Variants in RUNX3 observed in about 807,000 individuals in gnomAD.
RUNX3 encodes runt-related transcription factor 3.
In RUNX3, 10 loss-of-function variants were observed where a neutral mutation model predicts 27.7. The ratio of observed to expected loss-of-function variants is 0.36; its 90% confidence interval spans 0.22 to 0.61. RUNX3 has a LOEUF of 0.61. Among genes scored for constraint, RUNX3 ranks in the 20% least tolerant of loss-of-function variants. RUNX3 has a pLI of 0.72. For synonymous variants in RUNX3, 270 were observed against 269.2 expected, an observed-to-expected ratio of 1.00 and a Z score of -0.03; for missense variants, 469 against 629.5, an observed-to-expected ratio of 0.75 and a Z score of 2.73.
At position 24,902,296 on chromosome 1, in the gene RUNX3, G is replaced by C; in HGVS notation, c.1074C>G (p.Thr358=). The part of the protein sequence containing the change: ...GSSSGGDRSP[T]RMLASCTSSA... ...TGCTGGTGCAAGAGGCCAGCATGCG[G>C]GTAGGTGAGCGGTCGCCCCCACTGC... Residue 358 remains threonine, a synonymous_variant, in exon 5 of 5, where the codon ACC becomes ACG. Coordinates refer to ENST00000308873, the MANE Select transcript of RUNX3 (RefSeq NM_004350.3). This position sits in a 1 kb window ranked among gnomAD's most constrained non-coding sequence, Gnocchi z 9.2. The C allele has an allele frequency of 5.6e-6, 9 of 1,603,522 alleles. No individual in the cohort carries two copies. The highest frequency in any genetic ancestry group is 7.6e-6 in the Non-Finnish European group (9 of 1,176,796).
Position 24,916,913 on chromosome 1 carries a change from C to T in RUNX3, c.544+2327G>A, listed in dbSNP as rs544805025. Among the ~76,000 whole-genome samples the T allele has an allele frequency of 5.1e-4, 78 of 152,318 alleles. No individual in the cohort carries two copies. In the Middle Eastern group the frequency reaches 0.01, roughly 20 times the overall value. ...CCTCTTGTTGCCTCGTCCTGAGCCA[C>T]GCATTTACCTTCCAGCTCACCCCAG... On this transcript the variant is annotated intron_variant, in intron 3 of 4. Coordinates refer to ENST00000308873, the MANE Select transcript of RUNX3 (RefSeq NM_004350.3). The surrounding 1 kb of genome is among the most constrained non-coding windows in gnomAD (Gnocchi z 4.8).
chr1:24,953,884 G>A (rs529120132), intron 2 of RUNX3, among the ~76,000 whole-genome samples: 3 of 152,330 alleles, frequency 2.0e-5, no homozygotes, highest in African/African-American at 7.2e-5. Context: ...TCTTGGGTAA[G>A]GGATGTTCAA....
rs574747950 is a variant in RUNX3 at position 24,907,573 on chromosome 1, C to T, written c.545-156G>A. 7.2e-5 allele frequency among the ~76,000 whole-genome samples: 11 copies of T among 152,320 alleles called. No individual in the cohort carries two copies. The East Asian group carries it at 1.3e-3, about 19-fold the overall frequency. On this transcript the variant is annotated intron_variant, in intron 3 of 4. Coordinates refer to ENST00000308873, the MANE Select transcript of RUNX3 (RefSeq NM_004350.3). ...CCGCCAGCCTCTTCACAGAGGTTTT[C>T]AAAAGACTTTCTGAACAGAGAATGG...
intron 2 of RUNX3, among the ~76,000 whole-genome samples, chr1:24,924,019 C>T (rs983551212): frequency 1.4e-5 from 2 of 147,154 alleles, no homozygotes; most frequent in African/African-American, 5.0e-5. Context: ...CAGCACCCAA[C>T]GCTGCCCAGG....
At chr1:24,922,093 G>C (rs1034188322) in intron 2 of RUNX3, among the ~76,000 whole-genome samples, 1 of 152,068 alleles carries the variant, frequency 6.6e-6, no homozygotes, top group African/African-American at 2.4e-5. Context: ...TGGGACAACA[G>C]GTGAGCGCCA....
At chr1:24,936,760 T>C (rs948283845) in intron 2 of RUNX3, among the ~76,000 whole-genome samples, 2 of 152,110 alleles carry the variant, frequency 1.3e-5, no homozygotes, top group African/African-American at 2.4e-5. Context: ...CCCAAAAAGG[T>C]CCTGATGACT....
chr1:24,913,597 G>A (rs1156523307), intron 3 of RUNX3, among the ~76,000 whole-genome samples: 4 of 152,244 alleles, frequency 2.6e-5, no homozygotes, highest in Admixed American at 2.6e-4. Flanking sequence ...GTGCAGTGGG[G>A]GTGACCCACC....
At chr1:24,912,871 A>G (rs113585396) in intron 3 of RUNX3, among the ~76,000 whole-genome samples, 2,112 of 152,044 alleles carry the variant, frequency 0.014, 21 homozygotes, top group Middle Eastern at 0.041. Flanking sequence ...GGGACTCCAC[A>G]ATAGATGTTA....
At chr1:24,945,695 A>G (rs868467636) in intron 2 of RUNX3, among the ~76,000 whole-genome samples, 1 of 152,024 alleles carries the variant, frequency 6.6e-6, no homozygotes. Context: ...TTATCTCCCT[A>G]CCCATTCCCC....
At position 24,901,834 on chromosome 1, in the gene RUNX3, G is replaced by A. The variant is rs575071930; in HGVS notation, c.*288C>T. ...TAGCTGGAGACAGTGAGGTCCTTCC[G>A]GGGGGGTGGCAGGAGGCTGATTCCC... On this transcript the variant is annotated 3_prime_UTR_variant, in exon 5 of 5. Coordinates refer to ENST00000308873, the MANE Select transcript of RUNX3 (RefSeq NM_004350.3). The A allele has an allele frequency of 2.6e-5, 11 of 422,134 alleles. No individual in the cohort carries two copies. The highest frequency in any genetic ancestry group is 3.8e-5 in the East Asian group (1 of 26,220). The allele number at this position is 422,134 out of a possible 1,614,324, so 26.1% of individuals were successfully genotyped here.
intron 2 of RUNX3, among the ~76,000 whole-genome samples, chr1:24,938,856 G>A (rs1223459064): frequency 1.3e-5 from 2 of 152,110 alleles, no homozygotes; most frequent in African/African-American, 2.4e-5. Context: ...TGCGGAACCT[G>A]CCAGAGCCTT....
Position 24,953,657 on chromosome 1 carries a change from C to T in RUNX3, c.58+10857G>A, listed in dbSNP as rs951826886. 3.3e-5 allele frequency among the ~76,000 whole-genome samples: 5 copies of T among 152,168 alleles called. 1 individual carries two copies. The highest frequency in any genetic ancestry group is 7.2e-5 in the African/African-American group (3 of 41,424). On this transcript the variant is annotated intron_variant, in intron 2 of 6. Transcript: ENST00000338888. ...CGGGACGGTGCCGTTCTAGATTCTT[C>T]TTAGACATATCCTAACACCTATACA...
chr1:24,911,123 C>T (rs1311363043), intron 3 of RUNX3, among the ~76,000 whole-genome samples: 1 of 152,226 alleles, frequency 6.6e-6, no homozygotes, highest in Non-Finnish European at 1.5e-5. Flanking sequence ...TGTGGATGAG[C>T]TGGGGGACAA....
chr1:24,936,682 C>T (rs923998806), intron 2 of RUNX3, among the ~76,000 whole-genome samples: 3 of 152,312 alleles, frequency 2.0e-5, no homozygotes, highest in South Asian at 2.1e-4. Context: ...TCTCGCAGGC[C>T]CTCCTCTCCC....
At chr1:24,952,952 A>T (rs1227349459) in intron 2 of RUNX3, among the ~76,000 whole-genome samples, 1 of 149,940 alleles carries the variant, frequency 6.7e-6, no homozygotes, top group Non-Finnish European at 1.5e-5. Context: ...AAACTCAGGT[A>T]TTTTTTTTTT....
At chr1:24,950,272 G>A (rs1047882251) in intron 2 of RUNX3, among the ~76,000 whole-genome samples, 2 of 152,206 alleles carry the variant, frequency 1.3e-5, no homozygotes, top group African/African-American at 4.8e-5. Flanking sequence ...TGTGCAGAAA[G>A]TGCAGACCCT....
At chr1:24,964,543 A>G (rs1442542782) in exon 2 of RUNX3, 11 of 1,611,942 alleles carry the variant, frequency 6.8e-6, no homozygotes, top group Non-Finnish European at 9.3e-6. Flanking sequence ...GTAGGTCGGG[A>G]AGGAGTCGAA....
chr1:24,948,507 G>A (rs6688058), intron 2 of RUNX3, among the ~76,000 whole-genome samples: 20,684 of 152,122 alleles, frequency 0.14, 1,476 homozygotes, highest in South Asian at 0.18. Context: ...AGATGGTGCT[G>A]GTCTGACCTG....
chr1:24,947,801 C>T (rs1187151366), intron 2 of RUNX3, among the ~76,000 whole-genome samples: 1 of 152,236 alleles, frequency 6.6e-6, no homozygotes, highest in Non-Finnish European at 1.5e-5. Flanking sequence ...ACAGCCGGAG[C>T]TGGCAGGGCC....
Sources: allele counts gnomAD v4.1 joint callset (sites outside exome capture counted in the v4.1 genomes callset), GRCh38; gene constraint gnomAD v4.1.1; non-coding constraint Gnocchi (gnomAD v3.1); transcripts MANE v1.5; gene names NCBI Gene and HGNC (gene_info 2026-07-23, HGNC 2026-07-21).